OR7E24: variants seen among roughly 807,000 people sequenced by gnomAD.
OR7E24 encodes the protein olfactory receptor family 7 subfamily E member 24, also known as olfactory receptor 7E24.
For missense variants in OR7E24, 385 were observed against 410.3 expected (o/e 0.94, Z 0.53); for synonymous variants, 130 against 157.5 (o/e 0.83, Z 1.31).
At position 9,251,494 on chromosome 19, in the gene OR7E24, C is replaced by T. The variant is rs758705081; in HGVS notation, c.439C>T (p.Arg147Ter). The change falls in exon 2 of 2, where the codon CGA becomes TGA. Residue 147 changes from arginine to a stop codon, truncating the protein, a stop_gained. Coordinates refer to the OR7E24 transcript ENST00000641946. LOFTEE classifies it low-confidence loss of function (END_TRUNC). The stretch of plus-strand genomic sequence containing the variant: ...GGCCATCTGTCACCCCCTGCACTAC[C>T]GAATCATCATGAACCCACGCCTCTG... The T allele has an allele frequency of 1.3e-5, 21 of 1,613,916 alleles. No homozygotes were observed. In the South Asian group the frequency reaches 1.8e-4, roughly 13 times the overall value.
At chr19:9,238,333 C>T in the OR7E24 span, among the ~76,000 whole-genome samples, 5 of 152,078 alleles carry the variant, frequency 3.3e-5, no homozygotes, top group South Asian at 4.1e-4. Flanking sequence ...TCATTGTGCT[C>T]TTGATTTCCA....
At chr19:9,237,929 G>A in the OR7E24 span, among the ~76,000 whole-genome samples, 161 of 152,228 alleles carry the variant, frequency 1.1e-3, no homozygotes, top group Middle Eastern at 0.01. Flanking sequence ...AACATTTCCA[G>A]CAATGTATAA....
chr19:9,207,113 A>G, the OR7E24 span: 1 of 152,158 alleles, frequency 6.6e-6, no homozygotes, highest in Non-Finnish European at 1.5e-5. Context: ...CAATATACAG[A>G]TTGTCATTAT....
the OR7E24 span, among the ~76,000 whole-genome samples, chr19:9,232,332 G>A: frequency 6.6e-6 from 1 of 152,118 alleles, no homozygotes; most frequent in African/African-American, 2.4e-5. Context: ...GAGGTCAGGA[G>A]ATAGAGACCA....
rs1214573132 is a variant in OR7E24 at position 9,251,185 on chromosome 19, C to A, written c.142C>A (p.Leu48Met). ...AGAACTGCAGCCGGTCCTCGCTGGG[C>A]TGTTCCTGTCCATGTACCTGGTCAC... ...DPELQPVLAG[L>M]FLSMYLVTVL... is the part of the protein sequence containing the mutation. The change falls in exon 1 of 1, where the codon CTG becomes ATG. Residue 48 changes from leucine to methionine, a missense_variant. Leu to Met is a conservative substitution (Grantham distance 15). Transcript: ENST00000456448. 1 of 1,614,076 alleles carries A rather than the reference C, an allele frequency of 6.2e-7. No individual in the cohort carries two copies. Among genetic ancestry groups the A allele is most frequent in the South Asian group, 1.1e-5 (1 of 91,084 alleles).
the OR7E24 span, chr19:9,213,151 C>T: frequency 6.6e-6 from 1 of 152,186 alleles, no homozygotes; most frequent in Non-Finnish European, 1.5e-5. Context: ...CTATGGTTTT[C>T]ATTTTATTTC....
chr19:9,214,836 A>G, the OR7E24 span: 3 of 1,589,846 alleles, frequency 1.9e-6, no homozygotes, highest in Non-Finnish European at 1.7e-6. Flanking sequence ...TTCTGCTTCC[A>G]TGTAGCTGTT....
the OR7E24 span, among the ~76,000 whole-genome samples, chr19:9,221,290 T>C: frequency 6.0e-5 from 9 of 148,890 alleles, no homozygotes; most frequent in African/African-American, 2.2e-4. Flanking sequence ...AAAATGTATG[T>C]TGTCCATCTG....
chr19:9,229,367 T>TAA, the OR7E24 span, among the ~76,000 whole-genome samples: 1 of 150,266 alleles, frequency 6.7e-6, no homozygotes, highest in Non-Finnish European at 1.5e-5. Context: ...CCATCTCTAC[T>TAA]AAAAAAAAAC....
chr19:9,221,749 T>C, the OR7E24 span, among the ~76,000 whole-genome samples: 1 of 152,196 alleles, frequency 6.6e-6, no homozygotes, highest in South Asian at 2.1e-4. Context: ...ATGTCTAGTT[T>C]GCAAATATTT....
chr19:9,240,296 T>C, the OR7E24 span, among the ~76,000 whole-genome samples: 5 of 152,360 alleles, frequency 3.3e-5, no homozygotes, highest in South Asian at 8.3e-4. Context: ...TTTTTGCCTT[T>C]GTTGCTTGTG....
rs374768729 is a variant in OR7E24 at position 9,251,812 on chromosome 19, T to G, written c.769T>G (p.Ser257Ala). The G allele has an allele frequency of 5.0e-5, 81 of 1,613,508 alleles. No individual in the cohort carries two copies. In the African/African-American group the frequency reaches 6.4e-4, roughly 13 times the overall value. ...PTSDGKYKAF[S>A]TCGSHLAVVC... The stretch of plus-strand genomic sequence containing the variant: ...ATCAGATGGGAAGTATAAAGCCTTC[T>G]CCACCTGTGGCTCTCACCTGGCAGT... The change falls in exon 1 of 1, where the codon TCC becomes GCC. Residue 257 changes from serine (S) to alanine (A), a missense_variant. Physicochemically the swap from Ser to Ala is moderately conservative, Grantham distance 99. Coordinates refer to ENST00000456448, the MANE Select transcript of OR7E24 (RefSeq NM_001079935.2).
At chr19:9,209,463 C>A in the OR7E24 span, 1 of 152,052 alleles carries the variant, frequency 6.6e-6, no homozygotes, top group Non-Finnish European at 1.5e-5. Context: ...CCTGTAATCC[C>A]AGCACTTTGG....
At chr19:9,250,745 G>A (rs1372372242), upstream of OR7E24, among the ~76,000 whole-genome samples, 1 of 152,126 alleles carries the variant, frequency 6.6e-6, no homozygotes, top group African/African-American at 2.4e-5. Context: ...TCTTAAAGGG[G>A]CAAGAATATT....
chr19:9,227,092 G>C, the OR7E24 span, among the ~76,000 whole-genome samples: 1 of 152,080 alleles, frequency 6.6e-6, no homozygotes, highest in African/African-American at 2.4e-5. Context: ...TCCCCTCTCT[G>C]TGTCCATGTG....
At chr19:9,237,910 G>A in the OR7E24 span, among the ~76,000 whole-genome samples, 2 of 152,020 alleles carry the variant, frequency 1.3e-5, no homozygotes, top group African/African-American at 4.8e-5. Context: ...TATAGAAGCT[G>A]GCACATTGAA....
the OR7E24 span, among the ~76,000 whole-genome samples, chr19:9,234,525 T>C: frequency 6.6e-6 from 1 of 152,226 alleles, no homozygotes; most frequent in Non-Finnish European, 1.5e-5. Flanking sequence ...AGCATTACTA[T>C]AGTTAACAAC....
At chr19:9,243,016 A>G (rs1278560315), upstream of OR7E24, among the ~76,000 whole-genome samples, 1 of 152,124 alleles carries the variant, frequency 6.6e-6, no homozygotes, top group Non-Finnish European at 1.5e-5. Flanking sequence ...ACATGTAATA[A>G]TTATACGATA....
At chr19:9,220,698 A>G in the OR7E24 span, among the ~76,000 whole-genome samples, 1 of 152,222 alleles carries the variant, frequency 6.6e-6, no homozygotes, top group African/African-American at 2.4e-5. Flanking sequence ...CCTTCCACAC[A>G]CTGACTTCGT....
Sources: allele counts gnomAD v4.1 joint callset (sites outside exome capture counted in the v4.1 genomes callset), GRCh38; gene constraint gnomAD v4.1.1; transcripts MANE v1.5; gene names NCBI Gene and HGNC (gene_info 2026-07-23, HGNC 2026-07-21).